NKTR: variants seen among roughly 807,000 people sequenced by gnomAD.
NKTR encodes NK-tumor recognition protein.
In NKTR, 67 loss-of-function variants were observed where a neutral mutation model predicts 156.3. That is an observed-to-expected ratio of 0.43 (90% CI 0.35 to 0.53). The LOEUF is 0.53. Ranked by LOEUF, NKTR falls within the 20% of genes least tolerant of loss-of-function variation. The probability of loss-of-function intolerance (pLI) is 0.01; values close to 1 mark genes in which losing one functional copy is unlikely to be tolerated. For synonymous variants in NKTR, 640 were observed against 596.6 expected (o/e 1.07, Z -1.06); for missense variants, 1,604 against 1,730.9 (o/e 0.93, Z 1.30).
intron 9 of NKTR, chr3:42,633,025 G>A (rs1709059507): frequency 1.6e-6 from 2 of 1,263,718 alleles, no homozygotes; most frequent in East Asian, 3.2e-5. Context: ...TTCAGTTTTC[G>A]GGTGAAAATA....
In NKTR at chr3:42,639,235, A is replaced by T. The variant is rs933581807; in HGVS notation, c.3531A>T (p.Lys1177Asn). 6.2e-7 allele frequency: 1 copy of T among 1,614,070 alleles called. No homozygotes were observed. The highest frequency in any genetic ancestry group is 8.5e-7 in the Non-Finnish European group (1 of 1,180,048). Residue 1177 changes from lysine to asparagine, a missense_variant, in exon 13 of 17, where the codon AAA (lysine) becomes AAT (asparagine). Physicochemically the swap from Lys to Asn is moderately conservative, Grantham distance 94. This residue lies in a region of NKTR where 1,255 missense variants were observed against 1,243.7 expected (regional missense o/e 1.01). Coordinates refer to ENST00000232978, the MANE Select transcript of NKTR (RefSeq NM_005385.4). The stretch of plus-strand genomic sequence containing the variant: ...AACATCCTCAAGCAGAGGTAGTAAA[A>T]CAGGAAAGCAGCATGTCCGAAAGTA... ...ATEHPQAEVV[K>N]QESSMSESKV...
At chr3:42,619,582 C>A in intron 4 of NKTR, 82 bp from the exon 5 acceptor site, 1 of 1,582,396 alleles carries the variant, frequency 6.3e-7, no homozygotes, top group South Asian at 1.2e-5. Flanking sequence ...TTTCCTTCAG[C>A]GAATTGAAGC....
At chr3:42,630,297 T>C in intron 6 of NKTR, 1 of 1,233,186 alleles carries the variant, frequency 8.1e-7, no homozygotes, top group Non-Finnish European at 1.0e-6. Context: ...TGATTTCATA[T>C]GTATGCATAC....
intron 6 of NKTR, among the ~76,000 whole-genome samples, chr3:42,626,119 G>A (rs1317368568): frequency 6.6e-6 from 1 of 151,244 alleles, no homozygotes; most frequent in Non-Finnish European, 1.5e-5. Flanking sequence ...GTGGACAGAA[G>A]TTATCTTTAT....
chr3:42,643,744 T>C, intron 15 of NKTR, 158 bp from the exon 16 acceptor site: 1 of 688,532 alleles, frequency 1.5e-6, no homozygotes, highest in Non-Finnish European at 2.6e-6. Flanking sequence ...TTGGGGCAAT[T>C]GTTAAATGTT....
chr3:42,601,835 T>A (rs1263444798), intron 2 of NKTR: 1 of 152,230 alleles, frequency 6.6e-6, no homozygotes, highest in African/African-American at 2.4e-5. Flanking sequence ...CTGCATATTC[T>A]TATGAGAGCC....
At chr3:42,631,584 T>A (rs1708907284) in intron 8 of NKTR, among the ~76,000 whole-genome samples, 1 of 152,232 alleles carries the variant, frequency 6.6e-6, no homozygotes, top group South Asian at 2.1e-4. Flanking sequence ...CGTTCTATAA[T>A]CTTTTGTCAG....
intron 2 of NKTR, among the ~76,000 whole-genome samples, chr3:42,609,790 CTTG>C (rs904526089): frequency 3.9e-5 from 6 of 152,094 alleles, no homozygotes; most frequent in Non-Finnish European, 4.4e-5. Flanking sequence ...TAGAATGTTT[CTTG>C]TTGTTTTTGA....
Position 42,638,660 on chromosome 3 carries a change from A to T in NKTR, c.2956A>T (p.Lys986Ter). The T allele has an allele frequency of 6.2e-7, 1 of 1,611,702 alleles. No individual in the cohort carries two copies. The highest frequency in any genetic ancestry group is 8.5e-7 in the Non-Finnish European group (1 of 1,179,462). ...CAAACATGGGTCAAAGGAAAATCTT[A>T]AAAGAGAACACACCAAAAAAGTGAA... is the stretch of plus-strand genomic sequence containing the variant. ...KHKHGSKENL[K>*]REHTKKVKEK... Residue 986 changes from lysine to a stop codon, truncating the protein, a stop_gained, in exon 13 of 17, where the codon AAA becomes TAA. Coordinates refer to ENST00000232978, the MANE Select transcript of NKTR (RefSeq NM_005385.4). LOFTEE classifies it high-confidence loss of function.
chr3:42,622,101 C>T (rs1463172895), intron 6 of NKTR, among the ~76,000 whole-genome samples: 1 of 151,974 alleles, frequency 6.6e-6, no homozygotes, highest in African/African-American at 2.4e-5. Context: ...GCTGTCATTT[C>T]CACCAAAATT....
intron 6 of NKTR, 148 bp downstream of exon 6, chr3:42,621,664 G>C (rs1707916632): frequency 1.2e-6 from 1 of 805,140 alleles, no homozygotes; most frequent in African/African-American, 1.8e-5. Context: ...AACTTATAAG[G>C]TCTAACAACT....
intron 2 of NKTR, among the ~76,000 whole-genome samples, chr3:42,610,259 G>A (rs562678984): frequency 6.5e-4 from 99 of 152,064 alleles, no homozygotes; most frequent in African/African-American, 1.8e-3. Flanking sequence ...GCCCCCCACC[G>A]CCTCCCAAAG....
chr3:42,610,931 G>A (rs181001419), intron 2 of NKTR, among the ~76,000 whole-genome samples: 6 of 152,002 alleles, frequency 3.9e-5, no homozygotes, highest in African/African-American at 1.4e-4. Context: ...TATTGGGCCT[G>A]TTTTTTATCT....
chr3:42,626,846 G>A (rs1708437587), intron 6 of NKTR, among the ~76,000 whole-genome samples: 1 of 152,122 alleles, frequency 6.6e-6, no homozygotes, highest in Admixed American at 6.5e-5. Context: ...ATTTATGTAT[G>A]TATGCAAGAT....
intron 7 of NKTR, 126 bp from the exon 8 acceptor site, chr3:42,631,045 A>G (rs998621639): frequency 4.8e-6 from 7 of 1,444,412 alleles, no homozygotes; most frequent in Non-Finnish European, 6.4e-6. Context: ...TAGTTGCTTC[A>G]TACAACAAAC....
At chr3:42,629,301 G>A (rs1212925334) in intron 6 of NKTR, 9 of 965,406 alleles carry the variant, frequency 9.3e-6, no homozygotes, top group Non-Finnish European at 1.1e-5. Context: ...AGGAATATTT[G>A]AGATTTTTGC....
intron 4 of NKTR, 129 bp from the exon 5 acceptor site, chr3:42,619,535 G>A (rs1404171267): frequency 1.3e-6 from 2 of 1,521,724 alleles, no homozygotes; most frequent in African/African-American, 2.9e-5. Context: ...AGGACTCTGA[G>A]AATTTTGATT....
At chr3:42,601,202 G>A (rs1231456352) in intron 2 of NKTR, 138 bp downstream of exon 2, 5 of 635,632 alleles carry the variant, frequency 7.9e-6, no homozygotes, top group Non-Finnish European at 1.3e-5. Context: ...TCTCTTGAGA[G>A]AAAATCAGTG....
chr3:42,613,745 G>A (rs1004582243), intron 2 of NKTR, among the ~76,000 whole-genome samples: 1 of 152,176 alleles, frequency 6.6e-6, no homozygotes, highest in Non-Finnish European at 1.5e-5. Context: ...TTTCCTGTCT[G>A]TAGTCAAAGC....
Sources: gnomAD v4.1 joint callset for allele counts (sites outside exome capture counted in the v4.1 genomes callset) on GRCh38, gnomAD v4.1.1 for gene constraint, gnomAD v4.1.1 regional missense constraint, MANE v1.5 for transcripts, NCBI Gene and HGNC (gene_info 2026-07-23, HGNC 2026-07-21) for gene names.